The following YWHAZ variants were observed in gnomAD, a reference collection of about 807,000 sequenced individuals.
YWHAZ encodes 14-3-3 protein zeta/delta.
For missense variants in YWHAZ, 79 were observed against 284.8 expected (o/e 0.28, Z 5.20); for synonymous variants, 87 against 103.6 (o/e 0.84, Z 0.97).
Position 100,937,285 on chromosome 8 carries a change from CT to C in YWHAZ, c.294+11310del, listed in dbSNP as rs574435172. Reference sequence around the variant, plus strand: ...TACCCTTTTTCATACCCTTTATATGCTTTTTTTTTTTCAAATTTCCTTATGT... The same window carrying C: ...TACCCTTTTTCATACCCTTTATATGCTTTTTTTTTTCAAATTTCCTTATGT... On this transcript the variant is annotated intron_variant, in intron 2 of 5. Transcript: ENST00000395958. Among the ~76,000 whole-genome samples, 112 of 142,620 alleles carry C rather than the reference CT, an allele frequency of 7.9e-4. No homozygotes were observed. In the East Asian group the frequency reaches 1.0e-2, roughly 13 times the overall value. 93.6% of individuals were successfully genotyped at this position (142,620 alleles called of 152,430 possible).
chr8:100,921,849 CA>C (rs1426791623), intron 5 of YWHAZ, among the ~76,000 whole-genome samples: 2 of 152,180 alleles, frequency 1.3e-5, no homozygotes, highest in East Asian at 3.8e-4. Context: ...TAGTGATTTT[CA>C]GAGGTAATTA....
rs941462794 is a variant in YWHAZ, at chr8:100,919,901, TAAA to T, written c.*789_*791del. 6.6e-6 allele frequency: 1 copy of T among 151,400 alleles called. No individual in the cohort carries two copies. Among genetic ancestry groups the T allele is most frequent in the Non-Finnish European group, 1.5e-5 (1 of 67,756 alleles). 9.4% of individuals were successfully genotyped at this position (151,400 alleles called of 1,614,324 possible). On this transcript the variant is annotated 3_prime_UTR_variant, in exon 6 of 6. Transcript: ENST00000395958. Reference sequence around the variant, plus strand: ...AAAAAAATCACAAAAGCAAAAATCCTAAAAAAAAGTTAAATACATGGGTTTTTG... The same window carrying T: ...AAAAAAATCACAAAAGCAAAAATCCTAAAAAGTTAAATACATGGGTTTTTG...
At chr8:100,951,698 G>C (rs2130391856) in intron 1 of YWHAZ, 1 of 985,438 alleles carries the variant, frequency 1.0e-6, no homozygotes, top group East Asian at 1.1e-4. Flanking sequence ...GCACCGATCG[G>C]CGCCGGGGCG....
At chr8:100,944,681 A>AC (rs1810133252) in intron 2 of YWHAZ, among the ~76,000 whole-genome samples, 1 of 152,148 alleles carries the variant, frequency 6.6e-6, no homozygotes, top group Non-Finnish European at 1.5e-5. Context: ...AAGTTAAGAG[A>AC]CCCCTGCACT....
chr8:100,927,504 AG>A (rs997063913), intron 2 of YWHAZ, among the ~76,000 whole-genome samples: 14 of 152,236 alleles, frequency 9.2e-5, no homozygotes, highest in African/African-American at 3.4e-4. Context: ...ACTCTAGGAC[AG>A]GGTGACAGTG....
chr8:100,943,754 A>C (rs1008186445), intron 2 of YWHAZ, among the ~76,000 whole-genome samples: 1 of 152,192 alleles, frequency 6.6e-6, no homozygotes, highest in Non-Finnish European at 1.5e-5. Context: ...TGGGAGGCCG[A>C]GGCAGGTGGA....
chr8:100,950,373 G>A (rs1435502216), intron 1 of YWHAZ: 9 of 985,306 alleles, frequency 9.1e-6, no homozygotes, highest in Middle Eastern at 5.2e-4. Flanking sequence ...TCTACACTGC[G>A]GGCAGGACTC....
chr8:100,941,038 C>A (rs1440569504), intron 2 of YWHAZ, among the ~76,000 whole-genome samples: 1 of 121,436 alleles, frequency 8.2e-6, no homozygotes, highest in Non-Finnish European at 1.6e-5. Context: ...GTTACTCTTA[C>A]AAAAAGCAGA....
At chr8:100,932,580 G>A (rs1330174793) in intron 2 of YWHAZ, among the ~76,000 whole-genome samples, 1 of 152,116 alleles carries the variant, frequency 6.6e-6, no homozygotes, top group Non-Finnish European at 1.5e-5. Context: ...TTGCTCCAAA[G>A]CTTCAATTTT....
intron 2 of YWHAZ, among the ~76,000 whole-genome samples, chr8:100,939,514 C>T (rs1814460612): frequency 6.6e-6 from 1 of 151,792 alleles, no homozygotes; most frequent in African/African-American, 2.4e-5. Flanking sequence ...CAAAAATCAG[C>T]TGGGCGTGGT....
chr8:100,944,324 T>G (rs1471417628), intron 2 of YWHAZ, among the ~76,000 whole-genome samples: 1 of 152,194 alleles, frequency 6.6e-6, no homozygotes, highest in East Asian at 1.9e-4. Flanking sequence ...TTAATGGTAG[T>G]TCTGTGGGCT....
At chr8:100,936,600 A>T (rs893814036) in intron 2 of YWHAZ, among the ~76,000 whole-genome samples, 1 of 152,200 alleles carries the variant, frequency 6.6e-6, no homozygotes, top group Non-Finnish European at 1.5e-5. Flanking sequence ...CAGGAGTTTG[A>T]GATCAGCCTG....
intron 2 of YWHAZ, among the ~76,000 whole-genome samples, chr8:100,930,424 T>G (rs540689373): frequency 2.6e-5 from 4 of 152,330 alleles, no homozygotes; most frequent in South Asian, 4.1e-4. Flanking sequence ...AAGGGCTAGG[T>G]TGACTGAAGG....
intron 2 of YWHAZ, among the ~76,000 whole-genome samples, chr8:100,938,436 A>T (rs1023005008): frequency 6.6e-6 from 1 of 152,220 alleles, no homozygotes; most frequent in Non-Finnish European, 1.5e-5. Flanking sequence ...ACTTAAACAT[A>T]TTTCTACAAA....
rs1813198708 is a variant in YWHAZ, at chr8:100,923,946, T to C, written c.678+9A>G. 6.2e-7 allele frequency: 1 copy of C among 1,607,264 alleles called. No homozygotes were observed. Among genetic ancestry groups the C allele is most frequent in the African/African-American group, 1.3e-5 (1 of 74,636 alleles). On this transcript the variant is annotated intron_variant, in intron 5 of 5. Transcript: ENST00000395958. Reference sequence around the variant, plus strand: ...ACATTCATCACTAATGATGCTGTTATGTACTTACTGTCAAGTTGTCTCTCA... The same window carrying C: ...ACATTCATCACTAATGATGCTGTTACGTACTTACTGTCAAGTTGTCTCTCA...
chr8:100,923,857 A>G (rs1203412688), intron 5 of YWHAZ, 98 bp downstream of exon 5: 14 of 949,318 alleles, frequency 1.5e-5, no homozygotes, highest in Non-Finnish European at 1.8e-5. Context: ...GTTGAGAAAA[A>G]ATTTTAAAAG....
Position 100,924,810 on chromosome 8 carries a change from T to C in YWHAZ, c.418+106A>G. ...CACAAAGAGCACTGCTACTCCTTATTCGGCACTCTAAGCAATTCAAAACAA... is the reference window on the plus strand; with the variant it reads ...CACAAAGAGCACTGCTACTCCTTATCCGGCACTCTAAGCAATTCAAAACAA... On this transcript the variant is annotated intron_variant, in intron 3 of 5. Coordinates refer to ENST00000395958, the MANE Select transcript of YWHAZ (RefSeq NM_145690.3). This position sits in a 1 kb window ranked among gnomAD's most constrained non-coding sequence, Gnocchi z 5.7. 1 of 1,429,466 alleles carries C rather than the reference T, an allele frequency of 7.0e-7. No individual in the cohort carries two copies. Among genetic ancestry groups the C allele is most frequent in the Non-Finnish European group, 9.6e-7 (1 of 1,046,750 alleles). The allele number at this position is 1,429,466 out of a possible 1,614,324, so 88.5% of individuals were successfully genotyped here. A position where few individuals can be genotyped will look rare whatever the true frequency, so the allele number is the denominator to read the frequency against.
intron 2 of YWHAZ, among the ~76,000 whole-genome samples, chr8:100,932,578 A>G (rs2130199744): frequency 6.6e-6 from 1 of 152,256 alleles, no homozygotes; most frequent in East Asian, 1.9e-4. Context: ...TTTTGCTCCA[A>G]AGCTTCAATT....
intron 2 of YWHAZ, among the ~76,000 whole-genome samples, chr8:100,939,712 G>C (rs1410939879): frequency 6.6e-6 from 1 of 151,506 alleles, no homozygotes; most frequent in African/African-American, 2.4e-5. Context: ...TTGAAATGTT[G>C]TTCCTAAAGA....
Sources: allele counts gnomAD v4.1 joint callset (sites outside exome capture counted in the v4.1 genomes callset), GRCh38; gene constraint gnomAD v4.1.1; non-coding constraint Gnocchi (gnomAD v3.1); transcripts MANE v1.5; gene names NCBI Gene and HGNC (gene_info 2026-07-23, HGNC 2026-07-21).